Variants in OSBPL8 observed in about 807,000 individuals in gnomAD.
OSBPL8 encodes the protein oxysterol binding protein like 8, also known as oxysterol-binding protein-related protein 8.
OSBPL8 carries 59 observed loss-of-function variants against 125.5 expected under a neutral mutation model. The ratio of observed to expected loss-of-function variants is 0.47; its 90% CI spans 0.38 to 0.58. The LOEUF (loss-of-function observed/expected upper bound fraction) is 0.58. Ranked by LOEUF, OSBPL8 falls within the 20% of genes least tolerant of loss-of-function variation. OSBPL8 has a pLI of 0.00. For synonymous variants in OSBPL8, 330 were observed against 338.9 expected (o/e 0.97, Z 0.29); for missense variants, 758 against 1,047.8 (o/e 0.72, Z 3.82).
intron 4 of OSBPL8, among the ~76,000 whole-genome samples, chr12:76,431,759 G>A (rs1870854425): frequency 6.6e-6 from 1 of 152,008 alleles, no homozygotes; most frequent in African/African-American, 2.4e-5. Context: ...AAGCAAACAT[G>A]GAGAGATATG....
At chr12:76,377,796 G>A (rs1952886149) in intron 16 of OSBPL8, among the ~76,000 whole-genome samples, 1 of 152,086 alleles carries the variant, frequency 6.6e-6, no homozygotes, top group Admixed American at 6.6e-5. Context: ...ATCCTGACTT[G>A]CCACATTTTA....
At chr12:76,408,190 G>T (rs1203635267) in intron 5 of OSBPL8, among the ~76,000 whole-genome samples, 1 of 149,110 alleles carries the variant, frequency 6.7e-6, no homozygotes, top group African/African-American at 2.5e-5. Flanking sequence ...GGCCGGGCAC[G>T]GTGACTCACG....
chr12:76,492,025 G>A (rs1267598721), intron 1 of OSBPL8, among the ~76,000 whole-genome samples: 1 of 151,622 alleles, frequency 6.6e-6, no homozygotes, highest in Admixed American at 6.6e-5. Flanking sequence ...TGCCCTCATG[G>A]AGCCTATATT....
intron 1 of OSBPL8, among the ~76,000 whole-genome samples, chr12:76,539,908 A>T (rs536994890): frequency 6.6e-6 from 1 of 152,176 alleles, no homozygotes; most frequent in Non-Finnish European, 1.5e-5. Context: ...TCCCCTAAAA[A>T]AGTAGTCTGG....
intron 21 of OSBPL8, among the ~76,000 whole-genome samples, chr12:76,365,977 A>G (rs1374566761): frequency 1.3e-5 from 2 of 152,088 alleles, no homozygotes; most frequent in Admixed American, 1.3e-4. Flanking sequence ...TATGCTACTG[A>G]ATTTTGTTTG....
chr12:76,474,932 G>A (rs1364831875), intron 2 of OSBPL8, among the ~76,000 whole-genome samples: 1 of 152,134 alleles, frequency 6.6e-6, no homozygotes, highest in Non-Finnish European at 1.5e-5. Context: ...GGTGACTTTT[G>A]AAGCAGTCAC....
chr12:76,434,177 A>G (rs1871184005), intron 4 of OSBPL8, among the ~76,000 whole-genome samples: 1 of 152,174 alleles, frequency 6.6e-6, no homozygotes, highest in African/African-American at 2.4e-5. Context: ...ATGGAACAGA[A>G]TAGAGAGCCC....
At chr12:76,499,513 G>C (rs1485632076) in intron 1 of OSBPL8, among the ~76,000 whole-genome samples, 1 of 152,048 alleles carries the variant, frequency 6.6e-6, no homozygotes, top group Non-Finnish European at 1.5e-5. Context: ...TGGGATTACA[G>C]GCATGAACCA....
intron 4 of OSBPL8, among the ~76,000 whole-genome samples, chr12:76,447,467 A>G (rs2136702484): frequency 6.6e-6 from 1 of 152,376 alleles, no homozygotes; most frequent in South Asian, 2.1e-4. Context: ...AGATACAGAA[A>G]CAAATTAAGT....
At chr12:76,472,961 T>C (rs899138470) in intron 2 of OSBPL8, among the ~76,000 whole-genome samples, 1 of 152,096 alleles carries the variant, frequency 6.6e-6, no homozygotes, top group African/African-American at 2.4e-5. Flanking sequence ...CCTGGTCTGC[T>C]AAGTAGCAGG....
At chr12:76,378,890 C>G (rs1952929508) in intron 15 of OSBPL8, among the ~76,000 whole-genome samples, 1 of 152,106 alleles carries the variant, frequency 6.6e-6, no homozygotes, top group South Asian at 2.1e-4. Context: ...CTGTCTCAGC[C>G]TCCTGAGTGG....
In OSBPL8 at chr12:76,369,787, T is replaced by G; in HGVS notation, c.2090A>C (p.Lys697Thr). 1.2e-6 allele frequency: 2 copies of G among 1,613,492 alleles called. No individual in the cohort carries two copies. Among genetic ancestry groups the G allele is most frequent in the East Asian group, 2.2e-5 (1 of 44,858 alleles). Reference protein sequence around the residue: ...WQRVTRAINAKDQTEATQEKY... With the variant: ...WQRVTRAINATDQTEATQEKY... ...CTCTTGGGTAGCTTCAGTTTGGTCT[T>G]TGGCATTTATGGCTCGAGTTACCCG... Residue 697 changes from lysine (K) to threonine (T), a missense_variant, in exon 20 of 24, where the codon AAA (lysine) becomes ACA (threonine). By Grantham distance (78) the Lys-to-Thr change is moderately conservative (BLOSUM62 -1). Coordinates refer to ENST00000261183, the MANE Select transcript of OSBPL8 (RefSeq NM_020841.5).
chr12:76,526,180 C>T (rs2137296971), intron 1 of OSBPL8, among the ~76,000 whole-genome samples: 1 of 152,296 alleles, frequency 6.6e-6, no homozygotes, highest in African/African-American at 2.4e-5. Flanking sequence ...TAGAGTATTA[C>T]ATGTCGTCTT....
intron 5 of OSBPL8, among the ~76,000 whole-genome samples, chr12:76,407,192 A>C (rs1954297230): frequency 6.6e-6 from 1 of 152,222 alleles, no homozygotes; most frequent in Non-Finnish European, 1.5e-5. Flanking sequence ...TTAATGATAA[A>C]TGTATAAATT....
At chr12:76,535,782 T>C (rs1950476649) in intron 1 of OSBPL8, among the ~76,000 whole-genome samples, 1 of 152,170 alleles carries the variant, frequency 6.6e-6, no homozygotes, top group Non-Finnish European at 1.5e-5. Context: ...CAAGAGTACA[T>C]ACTCTATGAT....
intron 1 of OSBPL8, among the ~76,000 whole-genome samples, chr12:76,510,253 T>C (rs148301621): frequency 2.0e-5 from 3 of 152,152 alleles, no homozygotes; most frequent in Non-Finnish European, 2.9e-5. Flanking sequence ...ATACCAATCA[T>C]CCAACCCAGT....
intron 1 of OSBPL8, among the ~76,000 whole-genome samples, chr12:76,502,335 A>G (rs1879988061): frequency 6.6e-6 from 1 of 152,142 alleles, no homozygotes; most frequent in South Asian, 2.1e-4. Context: ...GGAGGTCTTA[A>G]TCCAAAGAGA....
rs754197748 is a variant in OSBPL8, at chr12:76,369,316, A to AG, written c.2241-16_2241-15insC. 6 of 1,574,558 alleles carry AG rather than the reference A, an allele frequency of 3.8e-6. No homozygotes were observed. In the South Asian group the frequency reaches 6.0e-5, roughly 16 times the overall value. Reference sequence around the variant, plus strand: ...ATGGTCGGGTACTACATAAATGAAAAAAAAAAAAACCATTTGCTCAATGAC... The same window carrying AG: ...ATGGTCGGGTACTACATAAATGAAAAGAAAAAAAAACCATTTGCTCAATGAC... On this transcript the variant is annotated splice_polypyrimidine_tract_variant and intron_variant, in intron 20 of 23. Coordinates refer to ENST00000261183, the MANE Select transcript of OSBPL8 (RefSeq NM_020841.5).
intron 1 of OSBPL8, among the ~76,000 whole-genome samples, chr12:76,498,269 G>A (rs1285972111): frequency 5.3e-5 from 8 of 152,178 alleles, no homozygotes; most frequent in African/African-American, 1.9e-4. Context: ...CACAATGTCA[G>A]GAAACTGGCT....
Sources: allele counts gnomAD v4.1 joint callset (sites outside exome capture counted in the v4.1 genomes callset), GRCh38; gene constraint gnomAD v4.1.1; transcripts MANE v1.5; gene names NCBI Gene and HGNC (gene_info 2026-07-23, HGNC 2026-07-21).